The following PTGR1 variants were observed in gnomAD, a reference collection of about 807,000 sequenced individuals.
PTGR1 encodes the protein prostaglandin reductase 1.
Under a neutral mutation model 37.7 loss-of-function variants are expected in PTGR1, and 23 were observed. The observed-to-expected ratio is 0.61, with a 90% CI of 0.44 to 0.86. The LOEUF is 0.86. Ranked by LOEUF, PTGR1 falls within the 40% of genes least tolerant of loss-of-function variation. The pLI is 0.00. For missense variants in PTGR1, 351 were observed against 394.3 expected (o/e 0.89, Z 0.93); for synonymous variants, 134 against 140.0 (o/e 0.96, Z 0.30).
intron 9 of PTGR1, among the ~76,000 whole-genome samples, chr9:111,552,553 T>C (rs1180747792): frequency 6.6e-6 from 1 of 152,240 alleles, no homozygotes; most frequent in Admixed American, 6.5e-5. Context: ...TTTCTGTCTC[T>C]AACTGAAATT....
At chr9:111,557,437 CATT>C (rs1828156543) in intron 9 of PTGR1, among the ~76,000 whole-genome samples, 1 of 92,382 alleles carries the variant, frequency 1.1e-5, no homozygotes, top group Admixed American at 9.9e-5. Flanking sequence ...CAGGAAAACT[CATT>C]ATCTTTTTTT....
chr9:111,576,293 G>A (rs1035565216), intron 7 of PTGR1: 10 of 1,536,394 alleles, frequency 6.5e-6, no homozygotes, highest in Non-Finnish European at 7.2e-6. Context: ...TTTGCATATT[G>A]TAAACTACTT....
At chr9:111,570,048 G>A (rs1828739705) in intron 9 of PTGR1, 43 bp downstream of exon 9, 1 of 1,611,754 alleles carries the variant, frequency 6.2e-7, no homozygotes, top group Non-Finnish European at 8.5e-7. Context: ...AAGGGAGTGT[G>A]ACCTAGTGTA....
At chr9:111,564,790 G>C (rs1589292423) in intron 9 of PTGR1, among the ~76,000 whole-genome samples, 1 of 152,078 alleles carries the variant, frequency 6.6e-6, no homozygotes, top group East Asian at 1.9e-4. Flanking sequence ...ACCAGTGCCT[G>C]ACAATGGGAC....
intron 9 of PTGR1, chr9:111,563,504 T>C (rs912288541): frequency 1.1e-5 from 3 of 272,340 alleles, no homozygotes; most frequent in Non-Finnish European, 2.0e-5. Flanking sequence ...AATCTCTTTT[T>C]CTTTCTTTTT....
intron 7 of PTGR1, chr9:111,576,598 T>A (rs1829066100): frequency 1.6e-6 from 1 of 611,304 alleles, no homozygotes; most frequent in Admixed American, 3.3e-5. Context: ...AACCTCCTTT[T>A]GTCTTTCATA....
chr9:111,582,668 C>T (rs1829318555), intron 6 of PTGR1, among the ~76,000 whole-genome samples: 1 of 152,188 alleles, frequency 6.6e-6, no homozygotes, highest in Admixed American at 6.5e-5. Context: ...ATATCTATTC[C>T]TATTTATTTA....
At position 111,563,279 on chromosome 9, in the gene PTGR1, A is replaced by G. The variant is rs750147445; in HGVS notation, c.880-48T>C. The G allele has an allele frequency of 1.3e-5, 20 of 1,542,060 alleles. No individual in the cohort carries two copies. The Admixed American group carries it at 1.8e-4, about 14-fold the overall frequency. ...TTTAAAACTTAATTTAATATTCTCA[A>G]TGATATACTGTTCTCATCCTAGCAA... On this transcript the variant is annotated intron_variant, in intron 9 of 9. Coordinates refer to ENST00000407693, the MANE Select transcript of PTGR1 (RefSeq NM_001146108.2).
chr9:111,598,878 T>C (rs1406416689), intron 1 of PTGR1, among the ~76,000 whole-genome samples: 3 of 152,184 alleles, frequency 2.0e-5, no homozygotes, highest in Non-Finnish European at 4.4e-5. Flanking sequence ...CACTCTGCTG[T>C]GCAACAGATC....
At chr9:111,568,402 C>T (rs1239273191) in intron 9 of PTGR1, among the ~76,000 whole-genome samples, 9 of 152,130 alleles carry the variant, frequency 5.9e-5, no homozygotes, top group Admixed American at 2.6e-4. Context: ...GGAAAAACTC[C>T]GCCCTGGTAA....
intron 4 of PTGR1, among the ~76,000 whole-genome samples, chr9:111,587,730 G>C (rs1403796579): frequency 6.6e-6 from 1 of 152,180 alleles, no homozygotes; most frequent in Admixed American, 6.5e-5. Context: ...GATTACAGGC[G>C]TGAGACACCG....
At chr9:111,588,076 C>G (rs1172647176) in intron 4 of PTGR1, among the ~76,000 whole-genome samples, 1 of 146,842 alleles carries the variant, frequency 6.8e-6, no homozygotes, top group South Asian at 2.1e-4. Context: ...TGTAGTGGTG[C>G]GATCATGGCT....
intron 4 of PTGR1, among the ~76,000 whole-genome samples, chr9:111,588,370 T>C (rs1314497267): frequency 2.0e-5 from 3 of 151,786 alleles, no homozygotes; most frequent in African/African-American, 7.3e-5. Flanking sequence ...GGGTAATTTT[T>C]TGTATTTTTA....
chr9:111,567,363 T>C (rs144082611), intron 9 of PTGR1, among the ~76,000 whole-genome samples: 2,576 of 152,246 alleles, frequency 0.017, 42 homozygotes, highest in South Asian at 0.072. Flanking sequence ...AATTTTTGTA[T>C]TTTTAGTAGA....
intron 1 of PTGR1, 49 bp from the exon 2 acceptor site, chr9:111,597,481 T>C: frequency 8.3e-7 from 1 of 1,199,764 alleles, no homozygotes; most frequent in Non-Finnish European, 1.2e-6. Context: ...GACTGCATTC[T>C]AACAGTTCTC....
chr9:111,570,173 C>G lies in PTGR1; in HGVS notation c.797G>C (p.Arg266Pro), dbSNP rs149211975. ...GCGGTAGACGACAAAAGCTTCCATG[C>G]GAAGCTCCTGATAGATAACAATCTC... ...PPEIVIYQEL[R>P]MEAFVVYRWQ... The change falls in exon 9 of 10, where the codon CGC (arginine) becomes CCC (proline). Residue 266 changes from arginine to proline, a missense_variant. Transcript: ENST00000407693. 2 of 1,614,008 alleles carry G rather than the reference C, an allele frequency of 1.2e-6. No homozygotes were observed. The highest frequency in any genetic ancestry group is 1.7e-6 in the Non-Finnish European group (2 of 1,179,998).
intron 9 of PTGR1, among the ~76,000 whole-genome samples, chr9:111,553,574 A>G (rs755825921): frequency 7.9e-5 from 12 of 152,206 alleles, no homozygotes; most frequent in Non-Finnish European, 1.6e-4. Context: ...ACTCAAATCA[A>G]TCTGTTGATA....
Position 111,571,142 on chromosome 9 carries a change from G to A in PTGR1, c.761-933C>T, listed in dbSNP as rs115621848. ...AGAATAAGTGTGTGGGGTCGGGTGC[G>A]TGGCTCATGCCTATAATCCAGCATT... On this transcript the variant is annotated intron_variant, in intron 8 of 9. Coordinates refer to ENST00000407693, the MANE Select transcript of PTGR1 (RefSeq NM_001146108.2). Among the ~76,000 whole-genome samples the A allele has an allele frequency of 2.4e-3, 365 of 149,886 alleles. 10 individuals carry two copies. Among genetic ancestry groups the A allele is most frequent in the African/African-American group, 8.6e-3 (356 of 41,436 alleles).
chr9:111,591,297 CA>C (rs35773863), intron 4 of PTGR1, among the ~76,000 whole-genome samples: 27 of 119,866 alleles, frequency 2.3e-4, no homozygotes, highest in Non-Finnish European at 3.0e-4. Context: ...GACTCCGTCT[CA>C]AAAAAAAAAT....
Sources: gnomAD v4.1 joint callset for allele counts (sites outside exome capture counted in the v4.1 genomes callset) on GRCh38, gnomAD v4.1.1 for gene constraint, MANE v1.5 for transcripts, NCBI Gene and HGNC (gene_info 2026-07-23, HGNC 2026-07-21) for gene names.